The following PODN variants were observed in gnomAD, a reference collection of about 807,000 sequenced individuals.
The protein encoded by PODN is podocan, also known as podocan proteoglycan.
Under a neutral mutation model 52.7 loss-of-function variants are expected in PODN, and 40 were observed. The observed-to-expected ratio is 0.76, with a 90% CI of 0.59 to 0.99. The LOEUF is 0.99. Ranked by LOEUF, PODN falls within the 50% of genes least tolerant of loss-of-function variation. PODN has a pLI of 0.00. For missense variants in PODN, 720 were observed against 815.1 expected, an observed-to-expected ratio of 0.88 and a Z score of 1.42; for synonymous variants, 396 against 377.9, an observed-to-expected ratio of 1.05 and a Z score of -0.56.
At chr1:53,071,723 CG>C in intron 3 of PODN, 95 bp downstream of exon 3, 1 of 1,246,102 alleles carries the variant, frequency 8.0e-7, no homozygotes, top group Non-Finnish European at 1.1e-6. Context: ...CTTGGCCCTG[CG>C]GATCTTGGGG....
At position 53,069,832 on chromosome 1, in the gene PODN, G is replaced by C. The variant is rs770310804; in HGVS notation, c.-24G>C. Reference sequence around the variant, plus strand: ...TCAGCCCTGGCGCCCAGGCGCATCTGACTCGGCACCCCCTGCAGGCACCAT... The same window carrying C: ...TCAGCCCTGGCGCCCAGGCGCATCTCACTCGGCACCCCCTGCAGGCACCAT... On this transcript the variant is annotated 5_prime_UTR_variant, in exon 2 of 11. Transcript: ENST00000312553. 8.2e-6 allele frequency: 13 copies of C among 1,581,712 alleles called. No homozygotes were observed. In the South Asian group the frequency reaches 1.4e-4, roughly 17 times the overall value.
At chr1:53,079,422 A>G (rs1346655487) in intron 8 of PODN, among the ~76,000 whole-genome samples, 2 of 152,172 alleles carry the variant, frequency 1.3e-5, no homozygotes, top group Admixed American at 1.3e-4. Flanking sequence ...ACCGGGGGCC[A>G]GTTCGGGTGG....
intron 6 of PODN, 143 bp downstream of exon 6, chr1:53,077,489 C>T: frequency 7.4e-7 from 1 of 1,343,138 alleles, no homozygotes; most frequent in South Asian, 1.4e-5. Context: ...AAGGAGTCTA[C>T]TGTGGAGAAG....
Position 53,082,117 on chromosome 1 carries a change from G to A in PODN, c.1798G>A (p.Glu600Lys). 6.2e-7 allele frequency: 1 copy of A among 1,613,110 alleles called. No individual in the cohort carries two copies. Among genetic ancestry groups the A allele is most frequent in the South Asian group, 1.1e-5 (1 of 90,868 alleles). Reference protein sequence around the residue: ...KDRGRLGKEKEEEEEEEEEEE... With the variant: ...KDRGRLGKEKKEEEEEEEEEE... ...CCGTGGCCGCTTGGGGAAGGAAAAG[G>A]AGGAGGAGGAAGAGGAGGAGGAGGA... The change falls in exon 10 of 11, where the codon GAG (glutamate) becomes AAG (lysine). Residue 600 changes from glutamate (E) to lysine (K), a missense_variant. Physicochemically the swap from Glu to Lys is moderately conservative, Grantham distance 56. Transcript: ENST00000312553.
In PODN at chr1:53,075,566, T is replaced by C. The variant is rs546341560; in HGVS notation, c.472-296T>C. 2.0e-4 allele frequency among the ~76,000 whole-genome samples: 31 copies of C among 152,280 alleles called. 1 individual carries two copies. The South Asian group carries it at 6.4e-3, about 32-fold the overall frequency. On this transcript the variant is annotated intron_variant, in intron 4 of 10. Transcript: ENST00000312553. ...TCGCTTCTTGGTCTTTTGGCTAAGA[T>C]CAGGTGTAAAAGCCACACCCACCTC...
chr1:53,082,261 C>G, intron 10 of PODN, 73 bp downstream of exon 10: 2 of 1,404,326 alleles, frequency 1.4e-6, no homozygotes, highest in South Asian at 3.2e-5. Flanking sequence ...GGTAGAGGGT[C>G]TTTCTGTCCA....
chr1:53,067,000 T>A, intron 1 of PODN: 4 of 850,474 alleles, frequency 4.7e-6, no homozygotes. Context: ...TACAGTGGGG[T>A]CAGATGGGCA....
At chr1:53,077,626 G>T (rs529271473) in intron 6 of PODN, 59 bp from the exon 7 acceptor site, 2 of 1,495,670 alleles carry the variant, frequency 1.3e-6, no homozygotes, top group Admixed American at 1.8e-5. Flanking sequence ...TCATCCCGAG[G>T]CCCTGACCTT....
chr1:53,064,193 A>G (rs1397810567), intron 1 of PODN, among the ~76,000 whole-genome samples: 1 of 152,236 alleles, frequency 6.6e-6, no homozygotes, highest in Non-Finnish European at 1.5e-5. Flanking sequence ...AAAGTCGTTC[A>G]TTCAGCAAAC....
rs770874500 is a variant in PODN, at chr1:53,071,542, A to G, written c.320A>G (p.Gln107Arg). 1.4e-5 allele frequency: 22 copies of G among 1,613,422 alleles called. No individual in the cohort carries two copies. The highest frequency in any genetic ancestry group is 1.9e-5 in the Non-Finnish European group (22 of 1,179,774). Reference sequence around the variant, plus strand: ...GGCCCCCTACCCCCCTAGAACAACCAGCTGGAAAAGATCTACCCTGAGGAG... The same window carrying G: ...GGCCCCCTACCCCCCTAGAACAACCGGCTGGAAAAGATCTACCCTGAGGAG... ...HTNHLSLQNN[Q>R]LEKIYPEELS... Residue 107 changes from glutamine (Q) to arginine (R), a missense_variant, in exon 3 of 11, where the codon CAG (glutamine) becomes CGG (arginine). Physicochemically the swap from Gln to Arg is conservative, Grantham distance 43 (BLOSUM62 1). Transcript: ENST00000312553.
In PODN at chr1:53,077,682, C is replaced by T. The variant is rs1298855484; in HGVS notation, c.739-3C>T. The T allele has an allele frequency of 1.2e-6, 2 of 1,611,766 alleles. No individual in the cohort carries two copies. The highest frequency in any genetic ancestry group is 1.7e-5 in the Admixed American group (1 of 59,784). On this transcript the variant is annotated splice_region_variant and splice_polypyrimidine_tract_variant and intron_variant, in intron 6 of 10. Coordinates refer to ENST00000312553, the MANE Select transcript of PODN (RefSeq NM_153703.5). ...ATCTCCTCCCTTCCCTTCCATCCCC[C>T]AGAACAACAAGCTGGAGAAGATCCC...
intron 3 of PODN, among the ~76,000 whole-genome samples, chr1:53,074,034 T>C (rs1328204476): frequency 1.3e-5 from 2 of 152,274 alleles, no homozygotes; most frequent in African/African-American, 2.4e-5. Context: ...TGCCAGTTTA[T>C]ATAACTGTTC....
At chr1:53,071,835 A>G (rs1644123221) in intron 3 of PODN, among the ~76,000 whole-genome samples, 1 of 150,762 alleles carries the variant, frequency 6.6e-6, no homozygotes, top group Non-Finnish European at 1.5e-5. Flanking sequence ...CCTGAACACT[A>G]CACGGATATT....
intron 7 of PODN, 91 bp downstream of exon 7, chr1:53,077,891 C>G (rs1047659778): frequency 2.0e-6 from 2 of 986,702 alleles, no homozygotes; most frequent in East Asian, 2.4e-5. Context: ...CAGCCCCTCA[C>G]GCACGTCCCC....
In PODN at chr1:53,066,000, T is replaced by C. The variant is rs1165006970; in HGVS notation, c.-56+3692T>C. On this transcript the variant is annotated intron_variant, in intron 1 of 10. Transcript: ENST00000312553. The stretch of plus-strand genomic sequence containing the variant: ...ATGCAAAATTTTCTAGAGGTCTTTT[T>C]TTTTTTTTTTTTTTTGAGACGGTCT... 2.0e-5 allele frequency among the ~76,000 whole-genome samples: 3 copies of C among 147,406 alleles called. No homozygotes were observed. The East Asian group carries it at 5.9e-4, about 29-fold the overall frequency.
At chr1:53,079,108 G>A in intron 8 of PODN, 86 bp downstream of exon 8, 1 of 1,410,036 alleles carries the variant, frequency 7.1e-7, no homozygotes, top group African/African-American at 1.4e-5. Flanking sequence ...GAAGGGTGAG[G>A]AGAAGGGCTG....
chr1:53,083,095 T>C (rs924569211), intron 10 of PODN, among the ~76,000 whole-genome samples: 1 of 152,214 alleles, frequency 6.6e-6, no homozygotes, highest in Non-Finnish European at 1.5e-5. Context: ...ACCTGGAGGC[T>C]GTCTGTGACT....
intron 7 of PODN, among the ~76,000 whole-genome samples, 173 bp downstream of exon 7, chr1:53,077,973 A>G (rs1403591716): frequency 6.6e-6 from 1 of 152,196 alleles, no homozygotes; most frequent in Non-Finnish European, 1.5e-5. Flanking sequence ...GGGAACAAGG[A>G]CTATGTAGAA....
At chr1:53,067,015 G>C (rs781292008) in intron 1 of PODN, 2 of 726,604 alleles carry the variant, frequency 2.8e-6, no homozygotes, top group Non-Finnish European at 4.6e-6. Flanking sequence ...TGGGCAAGTG[G>C]CTAATGGCTG....
Sources: gnomAD v4.1 joint callset for allele counts (sites outside exome capture counted in the v4.1 genomes callset) on GRCh38, gnomAD v4.1.1 for gene constraint, MANE v1.5 for transcripts, NCBI Gene and HGNC (gene_info 2026-07-23, HGNC 2026-07-21) for gene names.